NTRK1: variants seen among roughly 807,000 people sequenced by gnomAD.
NTRK1 encodes high affinity nerve growth factor receptor.
NTRK1 carries 62 observed loss-of-function variants against 86.8 expected under a neutral mutation model. The observed-to-expected ratio is 0.71, with a 90% CI of 0.58 to 0.88. The LOEUF (loss-of-function observed/expected upper bound fraction) is 0.88, where lower values mean the gene tolerates loss of function less well. NTRK1 is among the 40% of genes least tolerant of loss of function. The probability of loss-of-function intolerance (pLI) is 0.00; values close to 1 mark genes in which losing one functional copy is unlikely to be tolerated. For missense variants in NTRK1, 967 were observed against 1,078.4 expected (o/e 0.90, Z 1.45); for synonymous variants, 469 against 456.6 (o/e 1.03, Z -0.35).
chr1:156,844,175 C>T, intron 2 of NTRK1: 5 of 1,610,796 alleles, frequency 3.1e-6, no homozygotes, highest in Non-Finnish European at 3.4e-6. Context: ...TTATCATCAC[C>T]TCTTCTTGCC....
intron 2 of NTRK1, chr1:156,846,052 C>T: frequency 6.2e-7 from 1 of 1,613,030 alleles, no homozygotes; most frequent in Non-Finnish European, 8.5e-7. Context: ...GGGTCGGTGG[C>T]TTCCAGCGCA....
At chr1:156,858,447 T>C, upstream of NTRK1, 2 of 907,438 alleles carry the variant, frequency 2.2e-6, no homozygotes, top group South Asian at 2.6e-5. Context: ...GCAGAGTAAG[T>C]GGAGGTGCTG....
intron 14 of NTRK1, among the ~76,000 whole-genome samples, chr1:156,877,545 T>G (rs1438278828): frequency 6.6e-6 from 1 of 152,244 alleles, no homozygotes; most frequent in Non-Finnish European, 1.5e-5. Flanking sequence ...GGTCTAGTCC[T>G]TCTCTGATGA....
In NTRK1 at chr1:156,854,303, A is replaced by G; in HGVS notation, c.51-10051A>G. 2 of 1,607,806 alleles carry G rather than the reference A, an allele frequency of 1.2e-6. No homozygotes were observed. Among genetic ancestry groups the G allele is most frequent in the Non-Finnish European group, 1.7e-6 (2 of 1,177,362 alleles). ...TGAGCGAATATCCAGGCTGGGGCAC[A>G]CTGTGGGCATACACGGCACGCAGCA... On this transcript the variant is annotated intron_variant, in intron 2 of 16. Coordinates refer to the NTRK1 transcript ENST00000392302. The surrounding 1 kb of genome is among the most constrained non-coding windows in gnomAD (Gnocchi z 4.2).
chr1:156,836,691 G>A (rs1654607458), intron 1 of NTRK1, among the ~76,000 whole-genome samples: 1 of 152,168 alleles, frequency 6.6e-6, no homozygotes, highest in Admixed American at 6.5e-5. Context: ...GGCCTGCTAA[G>A]TCGGGGAGGC....
intron 3 of NTRK1, chr1:156,865,017 T>A: frequency 1.6e-6 from 1 of 620,440 alleles, no homozygotes. Flanking sequence ...CTCACTTCCA[T>A]GGTCCATGCT....
At chr1:156,855,588 C>T (rs939514569) in intron 2 of NTRK1, among the ~76,000 whole-genome samples, 5 of 151,980 alleles carry the variant, frequency 3.3e-5, no homozygotes, top group African/African-American at 9.7e-5. Flanking sequence ...TTTGGGAGGC[C>T]GAGGTGGGAA....
At chr1:156,862,019 T>C (rs1407061399) in intron 1 of NTRK1, among the ~76,000 whole-genome samples, 1 of 152,170 alleles carries the variant, frequency 6.6e-6, no homozygotes, top group East Asian at 1.9e-4. Flanking sequence ...TACTTGAATA[T>C]TACATATGGC....
intron 2 of NTRK1, among the ~76,000 whole-genome samples, chr1:156,852,885 G>T (rs1286682032): frequency 6.6e-6 from 1 of 152,186 alleles, no homozygotes; most frequent in Non-Finnish European, 1.5e-5. Context: ...CAGGGATCTT[G>T]TTACTCTCCC....
chr1:156,876,006 G>A (rs2102916710), intron 12 of NTRK1, 74 bp from the exon 13 acceptor site: 1 of 1,610,840 alleles, frequency 6.2e-7, no homozygotes. Flanking sequence ...ACACAGCCCT[G>A]CCAAGACAGT....
At chr1:156,863,247 G>A (rs910793202) in intron 1 of NTRK1, among the ~76,000 whole-genome samples, 1 of 152,048 alleles carries the variant, frequency 6.6e-6, no homozygotes, top group Non-Finnish European at 1.5e-5. Context: ...GTAGCTCTCT[G>A]TCCTTATCTG....
chr1:156,872,959 G>A (rs1195134131), intron 7 of NTRK1, among the ~76,000 whole-genome samples: 1 of 151,864 alleles, frequency 6.6e-6, no homozygotes, highest in Non-Finnish European at 1.5e-5. Flanking sequence ...TTACAGGCGT[G>A]AGCCACCGCG....
At chr1:156,853,997 A>G (rs1324801689) in intron 2 of NTRK1, 1 of 1,613,640 alleles carries the variant, frequency 6.2e-7, no homozygotes, top group African/African-American at 1.3e-5. Context: ...CACGGCCCCA[A>G]GTGCAGGCAG....
In NTRK1 at chr1:156,876,588, C is replaced by T; in HGVS notation, c.1805+16C>T. On this transcript the variant is annotated intron_variant, in intron 14 of 16. Transcript: ENST00000524377. The stretch of plus-strand genomic sequence containing the variant: ...GCTTCCTCCGGTACCAGCACCTGGC[C>T]TCAGCGCTGGCCCCGGCCCCTGGCT... 1 of 1,606,384 alleles carries T rather than the reference C, an allele frequency of 6.2e-7. No individual in the cohort carries two copies. Among genetic ancestry groups the T allele is most frequent in the Non-Finnish European group, 8.5e-7 (1 of 1,177,212 alleles).
intron 1 of NTRK1, chr1:156,816,596 G>T: frequency 6.8e-7 from 1 of 1,474,226 alleles, no homozygotes; most frequent in Non-Finnish European, 9.3e-7. Flanking sequence ...TGAAGTGGGA[G>T]CTCAAGCCCA....
rs1414615261 is a variant in NTRK1 at position 156,872,851 on chromosome 1, A to AT, written c.851-775dup. 2.6e-5 allele frequency among the ~76,000 whole-genome samples: 4 copies of AT among 151,226 alleles called. No individual in the cohort carries two copies. In the South Asian group the frequency reaches 6.3e-4, roughly 24 times the overall value. On this transcript the variant is annotated intron_variant, in intron 7 of 16. Transcript: ENST00000524377. ...CCACCACGCCCAGCTAATTTTTTGT[A>AT]TTTTTTTAGTGGAGACGGGGTTTCA... is the stretch of plus-strand genomic sequence containing the variant.
chr1:156,848,836 A>G, intron 2 of NTRK1: 1 of 1,472,218 alleles, frequency 6.8e-7, no homozygotes, highest in Non-Finnish European at 9.1e-7. Flanking sequence ...AGCCTCGCTG[A>G]GCTCCGCCCT....
intron 14 of NTRK1, among the ~76,000 whole-genome samples, chr1:156,876,867 G>A (rs1647955597): frequency 6.6e-6 from 1 of 152,202 alleles, no homozygotes; most frequent in South Asian, 2.1e-4. Context: ...GCATTTGTGT[G>A]TGGCACACAA....
chr1:156,874,867 G>C (rs748988810), intron 10 of NTRK1, 39 bp from the exon 11 acceptor site: 2 of 1,464,704 alleles, frequency 1.4e-6, no homozygotes, highest in East Asian at 2.3e-5. Context: ...GAGAGTACAG[G>C]AGGAGCCCCT....
Sources: gnomAD v4.1 joint callset for allele counts (sites outside exome capture counted in the v4.1 genomes callset) on GRCh38, gnomAD v4.1.1 for gene constraint, Gnocchi (gnomAD v3.1) non-coding constraint, MANE v1.5 for transcripts, NCBI Gene and HGNC (gene_info 2026-07-23, HGNC 2026-07-21) for gene names.